GRID2: variants seen among roughly 807,000 people sequenced by gnomAD.
GRID2 encodes glutamate receptor ionotropic, delta-2.
In GRID2, 33 loss-of-function variants were observed where a neutral mutation model predicts 114.8. The ratio of observed to expected loss-of-function variants is 0.29; its 90% CI spans 0.22 to 0.38. GRID2 has a LOEUF of 0.38. GRID2 is among the 10% of genes least tolerant of loss of function. GRID2 has a pLI of 1.00. For missense variants in GRID2, 1,184 were observed against 1,257.7 expected (o/e 0.94, Z 0.89); for synonymous variants, 505 against 449.9 (o/e 1.12, Z -1.55).
At chr4:93,770,681 G>A (rs1734037813) in intron 15 of GRID2, among the ~76,000 whole-genome samples, 2 of 152,074 alleles carry the variant, frequency 1.3e-5, no homozygotes, top group Admixed American at 1.3e-4. Context: ...TGGTATCTCC[G>A]TTGACATTGA....
intron 13 of GRID2, among the ~76,000 whole-genome samples, chr4:93,555,247 CA>C (rs1734200397): frequency 6.6e-6 from 1 of 152,116 alleles, no homozygotes; most frequent in Non-Finnish European, 1.5e-5. Context: ...ACTGGAATGC[CA>C]GCGAGACAGA....
At chr4:93,596,799 T>C (rs1430071752) in intron 13 of GRID2, among the ~76,000 whole-genome samples, 2 of 152,248 alleles carry the variant, frequency 1.3e-5, no homozygotes, top group Non-Finnish European at 2.9e-5. Context: ...TATTGGTTTT[T>C]GATAGATCAG....
intron 2 of GRID2, among the ~76,000 whole-genome samples, chr4:92,899,172 GTAATTTATACTTTATA>G (rs1747384308): frequency 6.6e-6 from 1 of 151,884 alleles, no homozygotes; most frequent in South Asian, 2.1e-4. Context: ...AATAATAGGA[GTAATTTATACTTTATA>G]TAATCTATAA....
chr4:93,347,321 A>G (rs1760338730), intron 8 of GRID2, among the ~76,000 whole-genome samples: 1 of 152,176 alleles, frequency 6.6e-6, no homozygotes, highest in African/African-American at 2.4e-5. Flanking sequence ...CAGGATTAAT[A>G]ATCTGATACA....
At chr4:93,193,928 C>G (rs573030097) in intron 4 of GRID2, among the ~76,000 whole-genome samples, 2 of 152,228 alleles carry the variant, frequency 1.3e-5, no homozygotes, top group African/African-American at 4.8e-5. Context: ...TAGTCCTATT[C>G]TGTAGTTCCT....
Position 93,369,104 on chromosome 4 carries a change from G to A in GRID2, c.1246-26503G>A, listed in dbSNP as rs547190492. Among the ~76,000 whole-genome samples, 5 of 152,146 alleles carry A rather than the reference G, an allele frequency of 3.3e-5. No individual in the cohort carries two copies. The East Asian group carries it at 9.6e-4, about 29-fold the overall frequency. On this transcript the variant is annotated intron_variant, in intron 8 of 15. Coordinates refer to ENST00000282020, the MANE Select transcript of GRID2 (RefSeq NM_001510.4). ...TCTCTCACAGTTTTGGAGGCCAAAA[G>A]TTCACAAGCAAGGTATCAGCAGGGC... is the stretch of plus-strand genomic sequence containing the variant.
At chr4:93,515,485 G>T in intron 13 of GRID2, 74 bp downstream of exon 13, 2 of 982,354 alleles carry the variant, frequency 2.0e-6, no homozygotes, top group Non-Finnish European at 3.1e-6. Flanking sequence ...GTTGAGATTT[G>T]TTTTTTTTGT....
chr4:92,725,408 A>G (rs928127799), intron 2 of GRID2, among the ~76,000 whole-genome samples: 27 of 152,206 alleles, frequency 1.8e-4, no homozygotes, highest in African/African-American at 5.8e-4. Context: ...GAATAGTTGC[A>G]CATAATTCTA....
chr4:92,600,934 G>A (rs759377962), intron 2 of GRID2, among the ~76,000 whole-genome samples: 13 of 152,182 alleles, frequency 8.5e-5, no homozygotes, highest in Non-Finnish European at 1.8e-4. Context: ...CTGTGCTGGG[G>A]GCACTCCCAT....
At chr4:93,413,009 G>T (rs1767357507) in intron 9 of GRID2, among the ~76,000 whole-genome samples, 1 of 152,140 alleles carries the variant, frequency 6.6e-6, no homozygotes, top group Non-Finnish European at 1.5e-5. Context: ...ATGGGCATTT[G>T]GGTTGGTTCC....
intron 2 of GRID2, among the ~76,000 whole-genome samples, chr4:92,991,784 T>G (rs923126455): frequency 6.6e-6 from 1 of 152,150 alleles, no homozygotes; most frequent in Non-Finnish European, 1.5e-5. Context: ...TGCGAGTAAT[T>G]TAGGCCTGAG....
chr4:93,742,943 G>A (rs1731542859), intron 14 of GRID2, among the ~76,000 whole-genome samples: 1 of 152,178 alleles, frequency 6.6e-6, no homozygotes, highest in Non-Finnish European at 1.5e-5. Context: ...TAATTAATGA[G>A]GAAGGCATGT....
At chr4:92,444,161 T>C (rs992121164) in intron 1 of GRID2, among the ~76,000 whole-genome samples, 1 of 152,114 alleles carries the variant, frequency 6.6e-6, no homozygotes, top group African/African-American at 2.4e-5. Flanking sequence ...AGGGGATTGA[T>C]CTCCCAAGGG....
At chr4:92,876,277 T>C (rs1406623364) in intron 2 of GRID2, among the ~76,000 whole-genome samples, 1 of 149,346 alleles carries the variant, frequency 6.7e-6, no homozygotes, top group South Asian at 2.1e-4. Flanking sequence ...TCTTTTTTTT[T>C]TATTATTTTA....
At chr4:93,628,556 C>A (rs569086184) in intron 14 of GRID2, among the ~76,000 whole-genome samples, 6 of 151,988 alleles carry the variant, frequency 3.9e-5, no homozygotes, top group Non-Finnish European at 7.4e-5. Context: ...AAGAAACACA[C>A]CACTGCTTTT....
intron 2 of GRID2, among the ~76,000 whole-genome samples, chr4:92,750,081 G>T (rs1737371563): frequency 6.6e-6 from 1 of 152,060 alleles, no homozygotes; most frequent in East Asian, 1.9e-4. Flanking sequence ...GACCGGTCTT[G>T]AACTCCCGAC....
intron 11 of GRID2, among the ~76,000 whole-genome samples, chr4:93,474,892 T>C (rs752116464): frequency 5.6e-4 from 86 of 152,308 alleles, no homozygotes; most frequent in Non-Finnish European, 8.5e-4. Flanking sequence ...CAATGCATAA[T>C]GCCTTAGTAA....
At chr4:92,970,439 TCAA>T (rs1253060691) in intron 2 of GRID2, among the ~76,000 whole-genome samples, 1 of 151,968 alleles carries the variant, frequency 6.6e-6, no homozygotes, top group Non-Finnish European at 1.5e-5. Flanking sequence ...TACTTTTGCG[TCAA>T]CCTAATAATA....
intron 14 of GRID2, among the ~76,000 whole-genome samples, chr4:93,661,261 G>A (rs1436140499): frequency 6.6e-6 from 1 of 152,180 alleles, no homozygotes; most frequent in East Asian, 1.9e-4. Context: ...ATTTGAGTTT[G>A]CTCGATGCTT....
Sources: gnomAD v4.1 joint callset for allele counts (sites outside exome capture counted in the v4.1 genomes callset) on GRCh38, gnomAD v4.1.1 for gene constraint, MANE v1.5 for transcripts, NCBI Gene and HGNC (gene_info 2026-07-23, HGNC 2026-07-21) for gene names.